The following ANO4 variants were observed in gnomAD, a reference collection of about 807,000 sequenced individuals.
ANO4 encodes anoctamin-4.
In ANO4, 69 loss-of-function variants were observed where a neutral mutation model predicts 141.9. The observed-to-expected ratio is 0.49, with a 90% confidence interval of 0.40 to 0.59. The LOEUF (loss-of-function observed/expected upper bound fraction) is 0.59, where lower values mean the gene tolerates loss of function less well. Ranked by LOEUF, ANO4 falls within the 20% of genes least tolerant of loss-of-function variation. The pLI is 0.00. For missense variants in ANO4, 894 were observed against 1,162.2 expected, an observed-to-expected ratio of 0.77 and a Z score of 3.36; for synonymous variants, 350 against 394.3, an observed-to-expected ratio of 0.89 and a Z score of 1.33.
At chr12:101,085,873 T>C (rs2049471823) in intron 16 of ANO4, among the ~76,000 whole-genome samples, 1 of 152,190 alleles carries the variant, frequency 6.6e-6, no homozygotes, top group Non-Finnish European at 1.5e-5. Context: ...CCTGTCCTTA[T>C]GGAGCTTACT....
chr12:100,995,599 G>A (rs1430712756), intron 8 of ANO4, among the ~76,000 whole-genome samples: 2 of 152,136 alleles, frequency 1.3e-5, no homozygotes. Flanking sequence ...ATATAACTCA[G>A]CATTGACCCA....
intron 3 of ANO4, among the ~76,000 whole-genome samples, chr12:100,927,288 G>T (rs953572138): frequency 1.3e-5 from 2 of 152,084 alleles, no homozygotes; most frequent in Admixed American, 6.6e-5. Flanking sequence ...ATGGGAACTT[G>T]CAGATAGATT....
At chr12:101,020,272 T>C (rs572764720) in intron 9 of ANO4, 132 bp downstream of exon 9, 103 of 623,518 alleles carry the variant, frequency 1.7e-4, no homozygotes, top group African/African-American at 1.6e-3. Context: ...AATCCTTTGA[T>C]GAATAATTCA....
At chr12:101,036,703 TG>T (rs2047210845) in intron 9 of ANO4, among the ~76,000 whole-genome samples, 1 of 151,948 alleles carries the variant, frequency 6.6e-6, no homozygotes, top group African/African-American at 2.4e-5. Flanking sequence ...ATGGGGAACA[TG>T]GGGAGGTGTT....
intron 8 of ANO4, among the ~76,000 whole-genome samples, chr12:101,008,199 A>G (rs2045946383): frequency 6.6e-6 from 1 of 152,112 alleles, no homozygotes; most frequent in Admixed American, 6.5e-5. Context: ...CTACCACCTT[A>G]TAAATTAAAT....
intron 13 of ANO4, chr12:101,048,076 A>G: frequency 8.4e-7 from 1 of 1,190,976 alleles, no homozygotes; most frequent in African/African-American, 1.5e-5. Context: ...GGGGATTCTT[A>G]GTAGCACTAT....
intron 1 of ANO4, among the ~76,000 whole-genome samples, chr12:100,834,296 C>T (rs942492179): frequency 1.3e-5 from 2 of 152,076 alleles, no homozygotes; most frequent in Non-Finnish European, 2.9e-5. Context: ...TGCCCTAGTA[C>T]GAGGCCAGGC....
intron 1 of ANO4, among the ~76,000 whole-genome samples, chr12:100,896,556 G>A (rs1209911564): frequency 2.0e-5 from 3 of 152,222 alleles, no homozygotes; most frequent in African/African-American, 7.2e-5. Flanking sequence ...ACACCATGGT[G>A]AGAGACACCT....
chr12:100,903,357 T>G (rs1470391081), intron 2 of ANO4, among the ~76,000 whole-genome samples: 6 of 152,208 alleles, frequency 3.9e-5, no homozygotes, highest in Non-Finnish European at 7.3e-5. Context: ...TCTTTCCTCC[T>G]CTTGCCTCCT....
chr12:101,001,729 A>T (rs1425239883), intron 8 of ANO4, among the ~76,000 whole-genome samples: 2 of 152,152 alleles, frequency 1.3e-5, no homozygotes, highest in African/African-American at 4.8e-5. Context: ...TCAAAGTAGG[A>T]AAACACCCTG....
In ANO4 at chr12:101,096,526, T is replaced by C. The variant is rs1341473139; in HGVS notation, c.1739-10T>C. On this transcript the variant is annotated splice_polypyrimidine_tract_variant and intron_variant, in intron 18 of 27. Coordinates refer to ENST00000392977, the MANE Select transcript of ANO4 (RefSeq NM_001286615.2). ...CAGCCTTTCAAACTCTGCTCACCTT[T>C]TGTCCACAGAACAGCCTCGCACAGA... 6.2e-7 allele frequency: 1 copy of C among 1,607,592 alleles called. No homozygotes were observed. The highest frequency in any genetic ancestry group is 8.5e-7 in the Non-Finnish European group (1 of 1,174,388).
chr12:100,828,730 A>G (rs1417588709), intron 1 of ANO4, among the ~76,000 whole-genome samples: 1 of 152,012 alleles, frequency 6.6e-6, no homozygotes, highest in Non-Finnish European at 1.5e-5. Context: ...TATGAATAAC[A>G]TTCTTCTTCT....
chr12:100,828,431 A>G (rs1303326848), intron 1 of ANO4, among the ~76,000 whole-genome samples: 1 of 152,038 alleles, frequency 6.6e-6, no homozygotes, highest in Non-Finnish European at 1.5e-5. Context: ...TCACTTTGCT[A>G]AAAAGCGTAA....
In ANO4 at chr12:100,922,226, A is replaced by C; in HGVS notation, c.56A>C (p.Glu19Ala). Residue 19 changes from glutamate (E) to alanine (A), a missense_variant and splice_region_variant, in exon 3 of 28, where the codon GAA (glutamate) becomes GCA (alanine). Glu to Ala is a moderately radical substitution (Grantham distance 107, BLOSUM62 -1). Coordinates refer to ENST00000392977, the MANE Select transcript of ANO4 (RefSeq NM_001286615.2). ...CCATGAATATCTTTCATTTCTCTAG[A>C]AGGAGGTGTGGATTTGCAAGGCTAC... is the stretch of plus-strand genomic sequence containing the variant. Reference protein sequence around the residue: ...TNGKTKVFHPEGGVDLQGYQL... With the variant: ...TNGKTKVFHPAGGVDLQGYQL... 1 of 1,529,344 alleles carries C rather than the reference A, an allele frequency of 6.5e-7. No homozygotes were observed. Among genetic ancestry groups the C allele is most frequent in the Non-Finnish European group, 8.7e-7 (1 of 1,144,168 alleles). 94.7% of individuals were successfully genotyped at this position (1,529,344 alleles called of 1,614,324 possible). A position where few individuals can be genotyped will look rare whatever the true frequency, so the allele number is the denominator to read the frequency against.
At chr12:101,009,314 GA>G (rs940815343) in intron 8 of ANO4, among the ~76,000 whole-genome samples, 138 of 152,172 alleles carry the variant, frequency 9.1e-4, no homozygotes, top group African/African-American at 2.9e-3. Flanking sequence ...AAATTTAGAA[GA>G]AAAAACTCTG....
At chr12:100,944,670 A>G (rs957383719) in intron 5 of ANO4, among the ~76,000 whole-genome samples, 6 of 152,040 alleles carry the variant, frequency 3.9e-5, no homozygotes, top group Admixed American at 2.6e-4. Context: ...AAATGGTGCA[A>G]TTTCTCTCTA....
At chr12:101,123,941 ATCT>A (rs1167075478) in intron 26 of ANO4, among the ~76,000 whole-genome samples, 2 of 152,042 alleles carry the variant, frequency 1.3e-5, no homozygotes, top group African/African-American at 4.8e-5. Flanking sequence ...CTGCTTGTAT[ATCT>A]TCTTTTGAGA....
chr12:100,865,517 C>T (rs1470657192), intron 1 of ANO4, among the ~76,000 whole-genome samples: 1 of 152,108 alleles, frequency 6.6e-6, no homozygotes, highest in Non-Finnish European at 1.5e-5. Flanking sequence ...AGACACATCT[C>T]AAAAGGACAT....
At chr12:101,100,618 A>G (rs1206736015) in intron 22 of ANO4, among the ~76,000 whole-genome samples, 1 of 152,190 alleles carries the variant, frequency 6.6e-6, no homozygotes, top group Non-Finnish European at 1.5e-5. Context: ...GAAGACAATG[A>G]ACAATAATGT....
Sources: gnomAD v4.1 joint callset for allele counts (sites outside exome capture counted in the v4.1 genomes callset) on GRCh38, gnomAD v4.1.1 for gene constraint, MANE v1.5 for transcripts, NCBI Gene and HGNC (gene_info 2026-07-23, HGNC 2026-07-21) for gene names.